Variants in NAPG observed in about 807,000 individuals in gnomAD.
NAPG encodes gamma-soluble NSF attachment protein.
Under a neutral mutation model 48.4 loss-of-function variants are expected in NAPG, and 25 were observed. The observed-to-expected ratio is 0.52, with a 90% CI of 0.38 to 0.72. The LOEUF (loss-of-function observed/expected upper bound fraction) is 0.72. NAPG is among the 30% of genes least tolerant of loss of function. The probability of loss-of-function intolerance (pLI) is 0.00; values close to 1 mark genes in which losing one functional copy is unlikely to be tolerated. For synonymous variants in NAPG, 139 were observed against 127.2 expected, an observed-to-expected ratio of 1.09 and a Z score of -0.62; for missense variants, 359 against 372.5, an observed-to-expected ratio of 0.96 and a Z score of 0.30.
chr18:10,547,916 C>T (rs1021101295), intron 9 of NAPG, among the ~76,000 whole-genome samples: 1 of 152,102 alleles, frequency 6.6e-6, no homozygotes, highest in South Asian at 2.1e-4. Context: ...ACGGGTCCCC[C>T]CCACTTCTTT....
chr18:10,533,719 C>A (rs1033134807), intron 4 of NAPG, among the ~76,000 whole-genome samples, 166 bp downstream of exon 4: 8 of 152,136 alleles, frequency 5.3e-5, no homozygotes, highest in African/African-American at 1.9e-4. Flanking sequence ...CCAAGACTTA[C>A]TCCTAACTGT....
rs569356569 is a variant in NAPG, at chr18:10,550,018, G to A, written c.796-59G>A. ...CCAGGCTGTGTCTTTTTAGAGCTGA[G>A]TAAAACATGTTAGGATTCTAGTTAT... On this transcript the variant is annotated intron_variant, in intron 11 of 11. Transcript: ENST00000322897. 1.2e-4 allele frequency: 183 copies of A among 1,470,670 alleles called. No individual in the cohort carries two copies. In the Middle Eastern group the frequency reaches 2.1e-3, roughly 16 times the overall value. The allele number at this position is 1,470,670 out of a possible 1,614,324, so 91.1% of individuals were successfully genotyped here. A position where few individuals can be genotyped will look rare whatever the true frequency, so the allele number is the denominator to read the frequency against.
chr18:10,531,064 G>A lies in NAPG; in HGVS notation c.124+227G>A, dbSNP rs1343834335. On this transcript the variant is annotated intron_variant, in intron 2 of 11. Coordinates refer to ENST00000322897, the MANE Select transcript of NAPG (RefSeq NM_003826.3). Reference sequence around the variant, plus strand: ...CTGCTGTCTATGACAGCAGGGATGGGGCGGGGTTGGTGATACACAGTAGTG... The same window carrying A: ...CTGCTGTCTATGACAGCAGGGATGGAGCGGGGTTGGTGATACACAGTAGTG... Among the ~76,000 whole-genome samples, 4 of 152,262 alleles carry A rather than the reference G, an allele frequency of 2.6e-5. No individual in the cohort carries two copies. The East Asian group carries it at 5.8e-4, about 22-fold the overall frequency.
rs561023976 is a variant in NAPG at position 10,552,354 on chromosome 18, T to C, written c.*2134T>C. On this transcript the variant is annotated 3_prime_UTR_variant, in exon 12 of 12. Transcript: ENST00000322897. ...GGGATATTGTTTGTTGTCAGGGTTATTCTGTGTGGTAAGGAATATTTGTTT... is the reference window on the plus strand; with the variant it reads ...GGGATATTGTTTGTTGTCAGGGTTACTCTGTGTGGTAAGGAATATTTGTTT... The C allele has an allele frequency of 2.0e-5, 3 of 152,352 alleles. No homozygotes were observed. The highest frequency in any genetic ancestry group is 4.1e-4 in the South Asian group (2 of 4,826). 9.4% of individuals were successfully genotyped at this position (152,352 alleles called of 1,614,324 possible).
rs1416993345 is a variant in NAPG at position 10,542,602 on chromosome 18, A to G, written c.506+2203A>G. On this transcript the variant is annotated intron_variant, in intron 8 of 11. Coordinates refer to ENST00000322897, the MANE Select transcript of NAPG (RefSeq NM_003826.3). This position sits in a 1 kb window ranked among gnomAD's most constrained non-coding sequence, Gnocchi z 4.5. ...AAAGAACTAAACAGGTGGTAATTTT[A>G]TGCTTCACACAAGCAACATCTACTA... Among the ~76,000 whole-genome samples the G allele has an allele frequency of 6.6e-6, 1 of 152,238 alleles. No homozygotes were observed. Among genetic ancestry groups the G allele is most frequent in the Non-Finnish European group, 1.5e-5 (1 of 68,042 alleles).
chr18:10,526,432 G>T, intron 1 of NAPG: 1 of 473,642 alleles, frequency 2.1e-6, no homozygotes, highest in Non-Finnish European at 3.8e-6. Flanking sequence ...CAGTGCTGCG[G>T]GGCGAGGGCT....
rs929583285 is a variant in NAPG at position 10,551,824 on chromosome 18, C to G, written c.*1604C>G. The G allele has an allele frequency of 6.6e-6, 1 of 152,158 alleles. No individual in the cohort carries two copies. The highest frequency in any genetic ancestry group is 1.5e-5 in the Non-Finnish European group (1 of 68,042). 9.4% of individuals were successfully genotyped at this position (152,158 alleles called of 1,614,324 possible). On this transcript the variant is annotated 3_prime_UTR_variant, in exon 12 of 12. Coordinates refer to ENST00000322897, the MANE Select transcript of NAPG (RefSeq NM_003826.3). ...TTGGTATACAGTCTTTATTGTAAGTCTGATACAAAATGCTAATAAATTTAA... is the reference window on the plus strand; with the variant it reads ...TTGGTATACAGTCTTTATTGTAAGTGTGATACAAAATGCTAATAAATTTAA...
intron 8 of NAPG, among the ~76,000 whole-genome samples, chr18:10,541,970 T>C: frequency 6.6e-6 from 1 of 152,260 alleles, no homozygotes; most frequent in South Asian, 2.1e-4. Flanking sequence ...TCCAGCTGCC[T>C]GTGCATATTC....
At position 10,534,339 on chromosome 18, in the gene NAPG, G is replaced by A; in HGVS notation, c.228-127G>A. On this transcript the variant is annotated intron_variant, in intron 4 of 11. Transcript: ENST00000322897. The surrounding 1 kb of genome is among the most constrained non-coding windows in gnomAD (Gnocchi z 5.0). ...TATTGTGTGGTAATATAAGCCTGAA[G>A]TGATATGTTGTGCATGAGCCCATTG... 1.6e-6 allele frequency: 1 copy of A among 643,296 alleles called. No homozygotes were observed. Among genetic ancestry groups the A allele is most frequent in the Non-Finnish European group, 2.8e-6 (1 of 356,270 alleles). 39.8% of individuals were successfully genotyped at this position (643,296 alleles called of 1,614,324 possible). A position where few individuals can be genotyped will look rare whatever the true frequency, so the allele number is the denominator to read the frequency against.
At chr18:10,540,171 C>A in intron 7 of NAPG, 117 bp downstream of exon 7, 1 of 1,065,218 alleles carries the variant, frequency 9.4e-7, no homozygotes, top group Non-Finnish European at 1.4e-6. Flanking sequence ...CACAGTTGCA[C>A]GCTATTTCTT....
At chr18:10,532,990 C>T (rs769318124) in intron 3 of NAPG, 195 bp downstream of exon 3, 20 of 503,814 alleles carry the variant, frequency 4.0e-5, no homozygotes, top group African/African-American at 7.8e-5. Flanking sequence ...CACACTGGTT[C>T]GCAGAGCTAC....
rs2032390312 is a variant in NAPG, at chr18:10,551,356, C to T, written c.*1136C>T. On this transcript the variant is annotated 3_prime_UTR_variant, in exon 12 of 12. Transcript: ENST00000322897. ...GTTTATTTTATTTTGATTGTAACTC[C>T]GTCATAACTTGACATGGAAAATGCT... 6.6e-6 allele frequency: 1 copy of T among 152,096 alleles called. No homozygotes were observed. The highest frequency in any genetic ancestry group is 1.5e-5 in the Non-Finnish European group (1 of 68,028). 9.4% of individuals were successfully genotyped at this position (152,096 alleles called of 1,614,324 possible). A position where few individuals can be genotyped will look rare whatever the true frequency, so the allele number is the denominator to read the frequency against.
Position 10,540,000 on chromosome 18 carries a change from T to C in NAPG, c.381T>C (p.Asn127=). The C allele has an allele frequency of 6.2e-7, 1 of 1,602,036 alleles. No homozygotes were observed. Among genetic ancestry groups the C allele is most frequent in the Non-Finnish European group, 8.5e-7 (1 of 1,173,442 alleles). The change falls in exon 7 of 12, where the codon AAT becomes AAC. Residue 127 remains asparagine (N), a synonymous_variant. Transcript: ENST00000322897. This position sits in a 1 kb window ranked among gnomAD's most constrained non-coding sequence, Gnocchi z 4.7. The stretch of plus-strand genomic sequence containing the variant: ...TTGTCTGATTCAGGCTTATAGAAAA[T>C]GTTGATCCAGAGAAGGCTGTACAGT... ...ALERAGKLIE[N]VDPEKAVQLY...
intron 5 of NAPG, among the ~76,000 whole-genome samples, chr18:10,535,555 G>A (rs1481635215): frequency 6.6e-6 from 1 of 152,194 alleles, no homozygotes; most frequent in Non-Finnish European, 1.5e-5. Flanking sequence ...GAGATCAGGA[G>A]TTCGAGACCA....
intron 1 of NAPG, 43 bp from the exon 2 acceptor site, chr18:10,530,727 A>G: frequency 7.6e-7 from 1 of 1,316,134 alleles, no homozygotes; most frequent in Non-Finnish European, 1.0e-6. Flanking sequence ...TGACTTATAA[A>G]TGTGGTTGGT....
rs1473245097 is a variant in NAPG, at chr18:10,546,348, A to G, written c.529A>G (p.Ile177Val). The G allele has an allele frequency of 1.3e-6, 2 of 1,582,198 alleles. No homozygotes were observed. Among genetic ancestry groups the G allele is most frequent in the African/African-American group, 2.7e-5 (2 of 74,084 alleles). Residue 177 changes from isoleucine (I) to valine (V), a missense_variant, in exon 9 of 12, where the codon ATT (isoleucine) becomes GTT (valine). Ile to Val is a conservative substitution (Grantham distance 29, BLOSUM62 3). Transcript: ENST00000322897. The surrounding 1 kb of genome is among the most constrained non-coding windows in gnomAD (Gnocchi z 4.0). ...TAGGTTTGATGAGGCGGCACTCTCT[A>G]TTCAGAAAGAAAAAAATATTTATAA... The part of the protein sequence containing the change: ...GRRFDEAALS[I>V]QKEKNIYKEI...
Position 10,541,704 on chromosome 18 carries a change from T to C in NAPG, c.506+1305T>C, listed in dbSNP as rs149423348. Among the ~76,000 whole-genome samples the C allele has an allele frequency of 4.3e-4, 66 of 152,270 alleles. 1 individual carries two copies. In the East Asian group the frequency reaches 7.9e-3, roughly 18 times the overall value. On this transcript the variant is annotated intron_variant, in intron 8 of 11. Coordinates refer to ENST00000322897, the MANE Select transcript of NAPG (RefSeq NM_003826.3). ...CTCCCCGACAAGACTCCCAGTGCCT[T>C]TCTAGAGCGCTAAGCCCCTTACTAT... is the stretch of plus-strand genomic sequence containing the variant.
At chr18:10,530,739 A>G in intron 1 of NAPG, 31 bp from the exon 2 acceptor site, 2 of 1,447,000 alleles carry the variant, frequency 1.4e-6, no homozygotes, top group Admixed American at 2.4e-5. Flanking sequence ...GTGGTTGGTA[A>G]CTCCTGTTAA....
At position 10,548,905 on chromosome 18, in the gene NAPG, C is replaced by T; in HGVS notation, c.666-62C>T. On this transcript the variant is annotated intron_variant, in intron 10 of 11. Transcript: ENST00000322897. The surrounding 1 kb of genome is among the most constrained non-coding windows in gnomAD (Gnocchi z 4.4). ...TGTCACATGCCAGGGGCAGAATCAT[C>T]CCTGCCTGAGATGTGTTCTTTTAAG... 2 of 1,571,512 alleles carry T rather than the reference C, an allele frequency of 1.3e-6. No homozygotes were observed. The highest frequency in any genetic ancestry group is 1.7e-6 in the Non-Finnish European group (2 of 1,152,534).
Sources: gnomAD v4.1 joint callset for allele counts (sites outside exome capture counted in the v4.1 genomes callset) on GRCh38, gnomAD v4.1.1 for gene constraint, Gnocchi (gnomAD v3.1) non-coding constraint, MANE v1.5 for transcripts, NCBI Gene and HGNC (gene_info 2026-07-23, HGNC 2026-07-21) for gene names.